Variants in MANBA observed in about 807,000 individuals in gnomAD.
The protein encoded by MANBA is beta-mannosidase.
Under a neutral mutation model 111.1 loss-of-function variants are expected in MANBA, and 83 were observed. The ratio of observed to expected loss-of-function variants is 0.75; its 90% confidence interval spans 0.63 to 0.90. The LOEUF (loss-of-function observed/expected upper bound fraction) is 0.90, where lower values mean the gene tolerates loss of function less well. Among genes scored for constraint, MANBA ranks in the 40% least tolerant of loss-of-function variants. The pLI is 0.00. For missense variants in MANBA, 1,036 were observed against 1,069.0 expected (o/e 0.97, Z 0.43); for synonymous variants, 370 against 378.7 (o/e 0.98, Z 0.27).
chr4:102,643,430 G>A (rs1451047787), intron 13 of MANBA, among the ~76,000 whole-genome samples: 2 of 152,034 alleles, frequency 1.3e-5, no homozygotes, highest in Admixed American at 6.6e-5. Context: ...AAAATTGCTG[G>A]GTCATATGGC....
At chr4:102,757,269 C>T (rs770005322) in intron 1 of MANBA, among the ~76,000 whole-genome samples, 3 of 151,566 alleles carry the variant, frequency 2.0e-5, no homozygotes, top group African/African-American at 4.9e-5. Context: ...GCAGAGGTTG[C>T]GGTGAGCCGA....
At chr4:102,760,616 G>A (rs1724203696) in intron 1 of MANBA, 102 bp downstream of exon 1, 3 of 1,267,150 alleles carry the variant, frequency 2.4e-6, no homozygotes, top group African/African-American at 3.0e-5. Flanking sequence ...CCAAACCGAC[G>A]AGAATGGCCC....
intron 1 of MANBA, among the ~76,000 whole-genome samples, chr4:102,743,198 G>A (rs542429054): frequency 1.4e-4 from 21 of 152,324 alleles, no homozygotes; most frequent in Admixed American, 3.9e-4. Context: ...GTCCACCCAC[G>A]TACCTCTTCC....
intron 5 of MANBA, among the ~76,000 whole-genome samples, chr4:102,708,440 A>G (rs953006688): frequency 4.6e-5 from 7 of 152,140 alleles, no homozygotes; most frequent in Admixed American, 2.0e-4. Context: ...GTAATAAAAA[A>G]AGTCTTGAAA....
intron 11 of MANBA, among the ~76,000 whole-genome samples, chr4:102,661,689 C>T (rs79672052): frequency 0.011 from 1,708 of 152,304 alleles, 24 homozygotes; most frequent in African/African-American, 0.038. Flanking sequence ...CTAAAAATAT[C>T]TGGCTTTGAC....
At chr4:102,735,439 C>T (rs911383084) in intron 1 of MANBA, among the ~76,000 whole-genome samples, 23 of 134,830 alleles carry the variant, frequency 1.7e-4, no homozygotes, top group Non-Finnish European at 2.6e-4. Context: ...GGAAATGTGG[C>T]GAATAAACTG....
At chr4:102,686,270 A>C (rs1732212229) in intron 7 of MANBA, among the ~76,000 whole-genome samples, 1 of 152,196 alleles carries the variant, frequency 6.6e-6, no homozygotes, top group African/African-American at 2.4e-5. Flanking sequence ...ACACATACTG[A>C]AAATCATAAC....
At chr4:102,672,642 C>T (rs1731543885) in intron 8 of MANBA, among the ~76,000 whole-genome samples, 1 of 152,216 alleles carries the variant, frequency 6.6e-6, no homozygotes, top group South Asian at 2.1e-4. Context: ...GACCATGGAT[C>T]AGGTGGCACA....
intron 10 of MANBA, chr4:102,665,833 C>T (rs1731195505): frequency 6.6e-6 from 1 of 152,228 alleles, no homozygotes; most frequent in Admixed American, 6.5e-5. Context: ...CGCTGTGATG[C>T]ATGATTACAC....
chr4:102,693,073 G>A (rs1163274184), intron 5 of MANBA, among the ~76,000 whole-genome samples: 1 of 152,148 alleles, frequency 6.6e-6, no homozygotes, highest in African/African-American at 2.4e-5. Flanking sequence ...TGTTTATTAA[G>A]TGATTTATTC....
intron 11 of MANBA, among the ~76,000 whole-genome samples, chr4:102,663,966 C>A (rs1418355682): frequency 1.3e-5 from 2 of 152,200 alleles, no homozygotes; most frequent in African/African-American, 4.8e-5. Context: ...GCTCTCTCAT[C>A]TCTCTTTGTC....
chr4:102,727,991 T>C, intron 1 of MANBA: 1 of 434,248 alleles, frequency 2.3e-6, no homozygotes, highest in East Asian at 5.6e-5. Flanking sequence ...CTTTGCATTT[T>C]CTAAAACCAA....
intron 13 of MANBA, among the ~76,000 whole-genome samples, chr4:102,645,019 C>T (rs971767376): frequency 6.6e-6 from 1 of 151,722 alleles, no homozygotes; most frequent in Admixed American, 6.6e-5. Context: ...TTGTCATTAC[C>T]ACACTGTCCT....
At chr4:102,755,735 T>C (rs1402899712) in intron 1 of MANBA, among the ~76,000 whole-genome samples, 3 of 152,220 alleles carry the variant, frequency 2.0e-5, no homozygotes. Flanking sequence ...GACAAAGGGC[T>C]AATTAATCCA....
chr4:102,650,783 A>C, intron 12 of MANBA, 82 bp from the exon 13 acceptor site: 1 of 1,120,916 alleles, frequency 8.9e-7, no homozygotes, highest in Non-Finnish European at 1.3e-6. Flanking sequence ...AAACCTGGAA[A>C]GTATCCTAAA....
intron 4 of MANBA, among the ~76,000 whole-genome samples, chr4:102,720,033 A>C (rs1334395325): frequency 6.6e-6 from 1 of 152,256 alleles, no homozygotes; most frequent in Non-Finnish European, 1.5e-5. Context: ...GGGTGGAGCA[A>C]AATAGCATAT....
rs1447759099 is a variant in MANBA, at chr4:102,688,408, C to CACACACAT, written c.960+1165_960+1166insATGTGTGT. The stretch of plus-strand genomic sequence containing the variant: ...CCTTACACACACACACACACACACA[C>CACACACAT]ACACACACATTCACAGTGTCTCAGA... On this transcript the variant is annotated intron_variant, in intron 7 of 16. Coordinates refer to ENST00000647097, the MANE Select transcript of MANBA (RefSeq NM_005908.4). Among the ~76,000 whole-genome samples, 160 of 151,920 alleles carry CACACACAT rather than the reference C, an allele frequency of 1.1e-3. 2 individuals are homozygous for CACACACAT. Among genetic ancestry groups the CACACACAT allele is most frequent in the Non-Finnish European group, 2.5e-4 (17 of 67,928 alleles).
At chr4:102,747,771 C>G (rs1270547256) in intron 1 of MANBA, among the ~76,000 whole-genome samples, 1 of 152,144 alleles carries the variant, frequency 6.6e-6, no homozygotes, top group Non-Finnish European at 1.5e-5. Context: ...TAACATAGCT[C>G]TAAGTGAAAA....
In MANBA at chr4:102,631,821, C is replaced by T. The variant is rs182300675; in HGVS notation, c.*236G>A. The T allele has an allele frequency of 2.6e-4, 158 of 616,832 alleles. No homozygotes were observed. Among genetic ancestry groups the T allele is most frequent in the African/African-American group, 2.4e-3 (130 of 54,384 alleles). 38.2% of individuals were successfully genotyped at this position (616,832 alleles called of 1,614,324 possible). A position where few individuals can be genotyped will look rare whatever the true frequency, so the allele number is the denominator to read the frequency against. On this transcript the variant is annotated 3_prime_UTR_variant, in exon 17 of 17. Transcript: ENST00000647097. ...AGAGGTGAAGGGCTAAAAACACAGT[C>T]CTGGCACAGATTCCAGGACACCCCG...
Sources: allele counts gnomAD v4.1 joint callset (sites outside exome capture counted in the v4.1 genomes callset), GRCh38; gene constraint gnomAD v4.1.1; transcripts MANE v1.5; gene names NCBI Gene and HGNC (gene_info 2026-07-23, HGNC 2026-07-21).